CCNDBP1: variants seen among roughly 807,000 people sequenced by gnomAD.
CCNDBP1 encodes the protein cyclin-D1-binding protein 1.
CCNDBP1 carries 45 observed loss-of-function variants against 46.2 expected under a neutral mutation model. The observed-to-expected ratio is 0.97, with a 90% CI of 0.77 to 1.25. The LOEUF (loss-of-function observed/expected upper bound fraction) is 1.25, where lower values mean the gene tolerates loss of function less well. Among genes scored for constraint, CCNDBP1 ranks in the 50% most tolerant of loss-of-function variants. The probability of loss-of-function intolerance (pLI) is 0.00; values close to 1 mark genes in which losing one functional copy is unlikely to be tolerated. For missense variants in CCNDBP1, 436 were observed against 442.1 expected (o/e 0.99, Z 0.12); for synonymous variants, 154 against 163.6 (o/e 0.94, Z 0.45).
chr15:43,189,101 A>AT, intron 3 of CCNDBP1, 98 bp from the exon 4 acceptor site: 24 of 163,930 alleles, frequency 1.5e-4, no homozygotes, highest in Non-Finnish European at 1.6e-4. Context: ...AAAAAAAAAA[A>AT]AAAGAAAAAG....
rs1306589490 is a variant in CCNDBP1, at chr15:43,190,144, A to G, written c.421A>G (p.Thr141Ala). 4 of 1,613,852 alleles carry G rather than the reference A, an allele frequency of 2.5e-6. No individual in the cohort carries two copies. Among genetic ancestry groups the G allele is most frequent in the Admixed American group, 1.7e-5 (1 of 59,998 alleles). ...QLMEVLSVTP[T>A]QSPENNDLIS... ...CATGGAAGTACTTTCCGTCACTCCA[A>G]CTCAGAGGTAGTGATGCCACAGTTT... Residue 141 changes from threonine to alanine, a missense_variant, in exon 5 of 11, where the codon ACT becomes GCT. Transcript: ENST00000300213.
intron 8 of CCNDBP1, among the ~76,000 whole-genome samples, chr15:43,192,342 G>A (rs936130763): frequency 6.6e-6 from 1 of 152,118 alleles, no homozygotes; most frequent in Non-Finnish European, 1.5e-5. Flanking sequence ...ACATGATGTT[G>A]GTTTGCCTCA....
At chr15:43,189,169 C>T in intron 3 of CCNDBP1, 30 bp from the exon 4 acceptor site, 4 of 1,351,528 alleles carry the variant, frequency 3.0e-6, no homozygotes, top group Admixed American at 1.8e-5. Context: ...GGGTTGACCA[C>T]TTTGATCTAA....
intron 9 of CCNDBP1, chr15:43,193,347 A>G: frequency 6.7e-6 from 1 of 149,514 alleles, no homozygotes; most frequent in Non-Finnish European, 1.5e-5. Context: ...AAAAAAAAAA[A>G]AAAAAAAAAA....
chr15:43,192,236 A>G (rs1479564499), intron 8 of CCNDBP1, among the ~76,000 whole-genome samples: 1 of 152,214 alleles, frequency 6.6e-6, no homozygotes, highest in Admixed American at 6.5e-5. Context: ...TAAAATATCC[A>G]ACAACCTGGA....
chr15:43,195,098 C>T lies in CCNDBP1; in HGVS notation c.*257C>T. On this transcript the variant is annotated 3_prime_UTR_variant, in exon 11 of 11. Coordinates refer to ENST00000300213, the MANE Select transcript of CCNDBP1 (RefSeq NM_012142.5). ...ATTCCTGAGTCATTTCTCAGAGATT[C>T]CTAGGAAAGCTGCCTTATTCTCTTT... 1 of 330,984 alleles carries T rather than the reference C, an allele frequency of 3.0e-6. No homozygotes were observed. The allele number at this position is 330,984 out of a possible 1,614,324, so 20.5% of individuals were successfully genotyped here.
intron 9 of CCNDBP1, 173 bp downstream of exon 9, chr15:43,192,976 T>G: frequency 1.6e-6 from 1 of 616,004 alleles, no homozygotes; most frequent in Non-Finnish European, 2.9e-6. Flanking sequence ...TTCACTGAAG[T>G]TGAATTATAA....
chr15:43,189,143 C>G (rs2041907090), intron 3 of CCNDBP1, 56 bp from the exon 4 acceptor site: 3 of 653,964 alleles, frequency 4.6e-6, no homozygotes, highest in East Asian at 6.3e-5. Context: ...AATATCTGCT[C>G]TATTCCACAG....
chr15:43,188,882 G>A, intron 3 of CCNDBP1: 1 of 207,464 alleles, frequency 4.8e-6, no homozygotes, highest in East Asian at 1.3e-4. Context: ...TTCGAGACCA[G>A]TGTGGCCAGT....
intron 3 of CCNDBP1, chr15:43,188,904 C>A: frequency 4.2e-6 from 1 of 236,368 alleles, no homozygotes; most frequent in Non-Finnish European, 8.3e-6. Flanking sequence ...TGGCAAAACC[C>A]CATCTCTACT....
At position 43,189,299 on chromosome 15, in the gene CCNDBP1, G is replaced by C; in HGVS notation, c.331+19G>C. 1 of 1,466,044 alleles carries C rather than the reference G, an allele frequency of 6.8e-7. No individual in the cohort carries two copies. The highest frequency in any genetic ancestry group is 9.5e-7 in the Non-Finnish European group (1 of 1,057,298). The allele number at this position is 1,466,044 out of a possible 1,614,324, so 90.8% of individuals were successfully genotyped here. A position where few individuals can be genotyped will look rare whatever the true frequency, so the allele number is the denominator to read the frequency against. ...GATCAGGGTAAGCCACATAAGTGTT[G>C]CATTTATCGTGTAGATCTTTGCTAA... is the stretch of plus-strand genomic sequence containing the variant. On this transcript the variant is annotated intron_variant, in intron 4 of 10. Coordinates refer to ENST00000300213, the MANE Select transcript of CCNDBP1 (RefSeq NM_012142.5).
rs569764352 is a variant in CCNDBP1 at position 43,196,931 on chromosome 15, G to A, written c.*2090G>A. Reference sequence around the variant, plus strand: ...GTTTGGATCCCTCATGAATGGCTTCGTTCCATTGGTGGGGTAATGAGTAAG... The same window carrying A: ...GTTTGGATCCCTCATGAATGGCTTCATTCCATTGGTGGGGTAATGAGTAAG... On this transcript the variant is annotated 3_prime_UTR_variant, in exon 11 of 11. Coordinates refer to ENST00000300213, the MANE Select transcript of CCNDBP1 (RefSeq NM_012142.5). The A allele has an allele frequency of 3.2e-4, 104 of 324,706 alleles. 1 individual carries two copies. Among genetic ancestry groups the A allele is most frequent in the South Asian group, 1.7e-3 (62 of 37,402 alleles). The allele number at this position is 324,706 out of a possible 1,614,324, so 20.1% of individuals were successfully genotyped here. A position where few individuals can be genotyped will look rare whatever the true frequency, so the allele number is the denominator to read the frequency against.
Position 43,190,352 on chromosome 15 carries a change from C to T in CCNDBP1, c.456C>T (p.Tyr152=), listed in dbSNP as rs1387053346. 1 of 1,614,020 alleles carries T rather than the reference C, an allele frequency of 6.2e-7. No individual in the cohort carries two copies. Among genetic ancestry groups the T allele is most frequent in the East Asian group, 2.2e-5 (1 of 44,904 alleles). Residue 152 remains tyrosine (Y), a synonymous_variant, in exon 6 of 11, where the codon TAC becomes TAT. Transcript: ENST00000300213. The stretch of plus-strand genomic sequence containing the variant: ...CTGAGAACAATGACCTTATTTCCTA[C>T]AACAGTGTCTGGGTTGCGTGCCAGC... ...QSPENNDLIS[Y]NSVWVACQQM...
In CCNDBP1 at chr15:43,195,527, G is replaced by C. The variant is rs1166241022; in HGVS notation, c.*686G>C. On this transcript the variant is annotated 3_prime_UTR_variant, in exon 11 of 11. Transcript: ENST00000300213. ...ACTTGTGTTGTCCTTGGTTACGTGT[G>C]TCCCCAAATGTAAATACCAAATTTT... 2 of 152,116 alleles carry C rather than the reference G, an allele frequency of 1.3e-5. No individual in the cohort carries two copies. Among genetic ancestry groups the C allele is most frequent in the Admixed American group, 1.3e-4 (2 of 15,252 alleles). 9.4% of individuals were successfully genotyped at this position (152,116 alleles called of 1,614,324 possible).
chr15:43,188,553 G>C (rs1596389700), intron 3 of CCNDBP1: 1 of 152,354 alleles, frequency 6.6e-6, no homozygotes, highest in East Asian at 1.9e-4. Flanking sequence ...ACAGGCAGTG[G>C]GGCCTGACTT....
intron 9 of CCNDBP1, among the ~76,000 whole-genome samples, chr15:43,193,741 A>G (rs1205731675): frequency 6.6e-6 from 1 of 152,246 alleles, no homozygotes; most frequent in Non-Finnish European, 1.5e-5. Context: ...TATCAATTCT[A>G]GTAATATTTG....
Position 43,192,787 on chromosome 15 carries a change from T to C in CCNDBP1, c.905T>C (p.Leu302Pro), listed in dbSNP as rs778787886. The C allele has an allele frequency of 6.2e-7, 1 of 1,614,192 alleles. No individual in the cohort carries two copies. Among genetic ancestry groups the C allele is most frequent in the Admixed American group, 1.7e-5 (1 of 60,026 alleles). Residue 302 changes from leucine to proline, a missense_variant, in exon 9 of 11, where the codon CTG becomes CCG. Physicochemically the swap from Leu to Pro is moderately conservative, Grantham distance 98. Coordinates refer to ENST00000300213, the MANE Select transcript of CCNDBP1 (RefSeq NM_012142.5). ...AGCATATATCCACCTATGTGTCACC[T>C]GACCGTGCGAATCAATGTAAGTACT... is the stretch of plus-strand genomic sequence containing the variant. Reference protein sequence around the residue: ...ALSIYPPMCHLTVRINSAKLV... With the variant: ...ALSIYPPMCHPTVRINSAKLV...
chr15:43,194,776 A>T lies in CCNDBP1; in HGVS notation c.1018A>T (p.Ile340Phe). The change falls in exon 11 of 11, where the codon ATT (isoleucine) becomes TTT (phenylalanine). Residue 340 changes from isoleucine (I) to phenylalanine (F), a missense_variant. By Grantham distance (21) the Ile-to-Phe change is conservative. Coordinates refer to ENST00000300213, the MANE Select transcript of CCNDBP1 (RefSeq NM_012142.5). Reference protein sequence around the residue: ...QPEDSWIPLLINAIDHCMNRI... With the variant: ...QPEDSWIPLLFNAIDHCMNRI... ...AGAAGATAGTTGGATCCCTTTACTT[A>T]TTAATGCCATTGATCATTGCATGAA... is the stretch of plus-strand genomic sequence containing the variant. 1.9e-6 allele frequency: 3 copies of T among 1,614,028 alleles called. No individual in the cohort carries two copies. In the South Asian group the frequency reaches 3.3e-5, roughly 18 times the overall value.
rs79752141 is a variant in CCNDBP1 at position 43,185,972 on chromosome 15, C to T, written c.169+93C>T. 3.5e-3 allele frequency: 4,546 copies of T among 1,293,116 alleles called. 72 individuals are homozygous for T. In the African/African-American group the frequency reaches 0.042, roughly 12 times the overall value. The allele number at this position is 1,293,116 out of a possible 1,614,324, so 80.1% of individuals were successfully genotyped here. A position where few individuals can be genotyped will look rare whatever the true frequency, so the allele number is the denominator to read the frequency against. Reference sequence around the variant, plus strand: ...GCTGTCCCCCACGGAGGGGACTGCTCTCCCCCGCTGCATCCTTTCTGTGAG... The same window carrying T: ...GCTGTCCCCCACGGAGGGGACTGCTTTCCCCCGCTGCATCCTTTCTGTGAG... On this transcript the variant is annotated intron_variant, in intron 2 of 10. Transcript: ENST00000300213.
Sources: allele counts gnomAD v4.1 joint callset (sites outside exome capture counted in the v4.1 genomes callset), GRCh38; gene constraint gnomAD v4.1.1; transcripts MANE v1.5; gene names NCBI Gene and HGNC (gene_info 2026-07-23, HGNC 2026-07-21).